The following XKR6 variants were observed in gnomAD, a reference collection of about 807,000 sequenced individuals.
The protein encoded by XKR6 is XK related 6, also known as XK-related protein 6.
Under a neutral mutation model 56.7 loss-of-function variants are expected in XKR6, and 22 were observed. That is an observed-to-expected ratio of 0.39 (90% CI 0.28 to 0.55). The LOEUF (loss-of-function observed/expected upper bound fraction) is 0.55, where lower values mean the gene tolerates loss of function less well. Among genes scored for constraint, XKR6 ranks in the 20% least tolerant of loss-of-function variants. The probability of loss-of-function intolerance (pLI) is 0.66; values close to 1 mark genes in which losing one functional copy is unlikely to be tolerated. For synonymous variants in XKR6, 524 were observed against 387.8 expected (o/e 1.35, Z -4.13); for missense variants, 852 against 889.0 (o/e 0.96, Z 0.53).
intron 1 of XKR6, among the ~76,000 whole-genome samples, chr8:10,982,835 G>T (rs534544881): frequency 6.6e-6 from 1 of 152,186 alleles, no homozygotes; most frequent in Non-Finnish European, 1.5e-5. Context: ...TTCAGAGAGC[G>T]CAGCCCCAGG....
At chr8:10,999,135 T>C (rs762918866) in intron 1 of XKR6, among the ~76,000 whole-genome samples, 1 of 152,228 alleles carries the variant, frequency 6.6e-6, no homozygotes, top group African/African-American at 2.4e-5. Context: ...CCATCAAGCA[T>C]GCATTAATAT....
intron 1 of XKR6, among the ~76,000 whole-genome samples, chr8:11,032,956 G>A (rs1028739749): frequency 6.6e-6 from 1 of 152,154 alleles, no homozygotes; most frequent in South Asian, 2.1e-4. Flanking sequence ...TGATGGTACC[G>A]ATGGTGATTG....
At chr8:11,000,420 T>C (rs187035331) in intron 1 of XKR6, among the ~76,000 whole-genome samples, 38 of 152,310 alleles carry the variant, frequency 2.5e-4, no homozygotes, top group Non-Finnish European at 5.1e-4. Context: ...GTGTGGTAGC[T>C]CATGCCTGAA....
intron 2 of XKR6, 132 bp from the exon 3 acceptor site, chr8:10,899,048 AG>A: frequency 7.2e-7 from 1 of 1,387,322 alleles, no homozygotes; most frequent in African/African-American, 1.4e-5. Flanking sequence ...ACACAGAATC[AG>A]GAACCGAACT....
intron 1 of XKR6, among the ~76,000 whole-genome samples, chr8:11,159,659 G>C (rs772195413): frequency 8.5e-5 from 13 of 152,216 alleles, no homozygotes; most frequent in African/African-American, 3.1e-4. Context: ...TCTGTGTTTT[G>C]ATAAGTCCTC....
At chr8:11,147,886 T>C (rs1801071189) in intron 1 of XKR6, among the ~76,000 whole-genome samples, 1 of 151,904 alleles carries the variant, frequency 6.6e-6, no homozygotes, top group South Asian at 2.1e-4. Context: ...GTGGCTGTAT[T>C]TGGAGAGGAG....
intron 1 of XKR6, among the ~76,000 whole-genome samples, chr8:10,995,867 G>C (rs10091913): frequency 0.48 from 72,567 of 152,010 alleles, 22,166 homozygotes; most frequent in African/African-American, 0.87. Context: ...CTTTGGTGAA[G>C]ACCATCATGG....
intron 1 of XKR6, among the ~76,000 whole-genome samples, chr8:10,963,600 G>A (rs544940752): frequency 8.6e-5 from 13 of 151,738 alleles, no homozygotes; most frequent in Non-Finnish European, 1.2e-4. Context: ...GGAGTGCCAC[G>A]GTATGGTCAT....
At chr8:10,971,626 A>G (rs957135639) in intron 1 of XKR6, among the ~76,000 whole-genome samples, 1 of 152,064 alleles carries the variant, frequency 6.6e-6, no homozygotes, top group African/African-American at 2.4e-5. Context: ...GAGGCCAATC[A>G]GTGGTTTGGC....
At chr8:10,951,295 G>GT (rs1280552816) in intron 1 of XKR6, among the ~76,000 whole-genome samples, 3 of 137,200 alleles carry the variant, frequency 2.2e-5, no homozygotes, top group African/African-American at 3.3e-5. Flanking sequence ...GTGTGTGTGT[G>GT]TGTGGGGGGG....
rs1409573071 is a variant in XKR6, at chr8:11,201,548, C to T, written c.-209G>A. 6.6e-6 allele frequency among the ~76,000 whole-genome samples: 1 copy of T among 152,022 alleles called. No individual in the cohort carries two copies. The highest frequency in any genetic ancestry group is 1.5e-5 in the Non-Finnish European group (1 of 67,974). ...CACTTCCGGGCGAGCCCCCCAATCG[C>T]ACGGCGCCCGCAGCTCCCCAGCCCT... On this transcript the variant is annotated 5_prime_UTR_variant, in exon 1 of 3. Transcript: ENST00000416569.
rs1402999604 is a variant in XKR6 at position 11,201,479 on chromosome 8, G to A, written c.-140C>T. 2 of 573,182 alleles carry A rather than the reference G, an allele frequency of 3.5e-6. No individual in the cohort carries two copies. The highest frequency in any genetic ancestry group is 3.3e-5 in the East Asian group (1 of 29,936). 35.5% of individuals were successfully genotyped at this position (573,182 alleles called of 1,614,324 possible). A position where few individuals can be genotyped will look rare whatever the true frequency, so the allele number is the denominator to read the frequency against. On this transcript the variant is annotated 5_prime_UTR_variant, in exon 1 of 3. Transcript: ENST00000416569. The stretch of plus-strand genomic sequence containing the variant: ...AAGCGGGGGAGCAAACGAACGAGGG[G>A]GGAGTGGGCCAGGGAACCCCCTCCG...
At chr8:11,188,004 T>G (rs183051616) in intron 1 of XKR6, among the ~76,000 whole-genome samples, 1 of 152,352 alleles carries the variant, frequency 6.6e-6, no homozygotes, top group Non-Finnish European at 1.5e-5. Flanking sequence ...TTACATAGTT[T>G]TAAGTAGTCT....
At chr8:11,199,430 C>A (rs947158835) in intron 1 of XKR6, among the ~76,000 whole-genome samples, 1 of 152,232 alleles carries the variant, frequency 6.6e-6, no homozygotes, top group African/African-American at 2.4e-5. Flanking sequence ...ACCTGAACTA[C>A]TAAATGCCTA....
chr8:11,055,235 G>A (rs1019662047), intron 1 of XKR6, among the ~76,000 whole-genome samples: 2 of 152,124 alleles, frequency 1.3e-5, no homozygotes, highest in African/African-American at 4.8e-5. Flanking sequence ...CAGAAGCAGC[G>A]TGGGGTGGAT....
rs373548509 is a variant in XKR6, at chr8:11,036,277, G to A, written c.765-111447C>T. Among the ~76,000 whole-genome samples, 215 of 152,266 alleles carry A rather than the reference G, an allele frequency of 1.4e-3. 6 individuals carry two copies. The South Asian group carries it at 0.041, about 29-fold the overall frequency. On this transcript the variant is annotated intron_variant, in intron 1 of 2. Transcript: ENST00000416569. ...AGTTCCTTCTTACCAGGCAGAGAGA[G>A]AAGCACTTCCAAGCTTGTAGGATTC... is the stretch of plus-strand genomic sequence containing the variant.
At chr8:10,926,629 G>T (rs1039780473) in intron 1 of XKR6, among the ~76,000 whole-genome samples, 17 of 152,274 alleles carry the variant, frequency 1.1e-4, no homozygotes, top group African/African-American at 3.4e-4. Flanking sequence ...GGTCCTTCCA[G>T]GTATACAGTC....
chr8:10,985,978 T>C (rs933940636), intron 1 of XKR6, among the ~76,000 whole-genome samples: 2 of 152,216 alleles, frequency 1.3e-5, no homozygotes, highest in African/African-American at 2.4e-5. Flanking sequence ...CAAGAATATT[T>C]AGAAAATTTC....
chr8:11,173,951 C>T (rs1334188728), intron 1 of XKR6, among the ~76,000 whole-genome samples: 2 of 152,162 alleles, frequency 1.3e-5, no homozygotes, highest in Admixed American at 1.3e-4. Flanking sequence ...GATGGGGTTA[C>T]CCTCGGGTGC....
Sources: allele counts gnomAD v4.1 joint callset (sites outside exome capture counted in the v4.1 genomes callset), GRCh38; gene constraint gnomAD v4.1.1; transcripts MANE v1.5; gene names NCBI Gene and HGNC (gene_info 2026-07-23, HGNC 2026-07-21).